The following LYPLA1 variants were observed in gnomAD, a reference collection of about 807,000 sequenced individuals.
The protein encoded by LYPLA1 is acyl-protein thioesterase 1.
LYPLA1 carries 17 observed loss-of-function variants against 34.0 expected under a neutral mutation model. The observed-to-expected ratio is 0.50, with a 90% CI of 0.34 to 0.75. LYPLA1 has a LOEUF of 0.75. Among genes scored for constraint, LYPLA1 ranks in the 30% least tolerant of loss-of-function variants. The probability of loss-of-function intolerance (pLI) is 0.01; values close to 1 mark genes in which losing one functional copy is unlikely to be tolerated. For synonymous variants in LYPLA1, 98 were observed against 100.8 expected, an observed-to-expected ratio of 0.97 and a Z score of 0.17; for missense variants, 203 against 288.8, an observed-to-expected ratio of 0.70 and a Z score of 2.15.
At chr8:54,092,074 CAAGGAG>C (rs1398190516) in intron 2 of LYPLA1, among the ~76,000 whole-genome samples, 1 of 149,650 alleles carries the variant, frequency 6.7e-6, no homozygotes, top group Non-Finnish European at 1.5e-5. Context: ...CCTGTCGAAG[CAAGGAG>C]GAGGAGGAGG....
intron 2 of LYPLA1, among the ~76,000 whole-genome samples, chr8:54,068,780 T>C (rs1056864247): frequency 1.3e-5 from 2 of 152,118 alleles, no homozygotes; most frequent in Non-Finnish European, 2.9e-5. Context: ...ATTTCTTAGA[T>C]ATAACATCAA....
At chr8:54,073,002 T>G in intron 2 of LYPLA1, 1 of 398,854 alleles carries the variant, frequency 2.5e-6, no homozygotes. Flanking sequence ...AGATCATTAA[T>G]GATTAGAGAA....
chr8:54,094,055 G>GT (rs1045946635), intron 2 of LYPLA1, among the ~76,000 whole-genome samples: 7 of 152,184 alleles, frequency 4.6e-5, no homozygotes, highest in African/African-American at 1.7e-4. Flanking sequence ...ACATATCCAT[G>GT]TTGCCAATTT....
At chr8:54,049,031 T>A (rs1805662624) in intron 8 of LYPLA1, among the ~76,000 whole-genome samples, 1 of 152,212 alleles carries the variant, frequency 6.6e-6, no homozygotes, top group African/African-American at 2.4e-5. Flanking sequence ...CTTGCACACA[T>A]TAAGGGTTCC....
intron 2 of LYPLA1, among the ~76,000 whole-genome samples, chr8:54,097,448 G>C (rs995533029): frequency 2.6e-5 from 4 of 152,274 alleles, no homozygotes; most frequent in Non-Finnish European, 5.9e-5. Context: ...AGACTAAAGA[G>C]ACGTGATAAC....
At chr8:54,093,522 T>C (rs927413103) in intron 2 of LYPLA1, among the ~76,000 whole-genome samples, 1 of 152,218 alleles carries the variant, frequency 6.6e-6, no homozygotes, top group African/African-American at 2.4e-5. Flanking sequence ...AGAGAATGTA[T>C]GTGGCCCTGT....
chr8:54,098,349 G>A (rs1809850082), intron 2 of LYPLA1, among the ~76,000 whole-genome samples: 1 of 152,130 alleles, frequency 6.6e-6, no homozygotes, highest in Non-Finnish European at 1.5e-5. Context: ...TGTCCTGGGT[G>A]AGACGGAATG....
chr8:54,094,701 G>A (rs1809549981), intron 2 of LYPLA1, among the ~76,000 whole-genome samples: 1 of 152,140 alleles, frequency 6.6e-6, no homozygotes, highest in African/African-American at 2.4e-5. Flanking sequence ...TTGGAAAAAT[G>A]GCTGAGTCCA....
chr8:54,091,616 GGAAGGAA>G (rs1003953819), intron 2 of LYPLA1, among the ~76,000 whole-genome samples: 1 of 136,152 alleles, frequency 7.3e-6, no homozygotes, highest in Non-Finnish European at 1.5e-5. Flanking sequence ...AAGGAAGGAA[GGAAGGAA>G]GGAGAAATAC....
intron 2 of LYPLA1, among the ~76,000 whole-genome samples, chr8:54,096,414 C>T (rs751956108): frequency 4.6e-5 from 7 of 152,048 alleles, no homozygotes; most frequent in Non-Finnish European, 1.0e-4. Context: ...ACCAGCTTGG[C>T]CAACATGGCA....
At chr8:54,049,904 T>C (rs573754891) in intron 8 of LYPLA1, among the ~76,000 whole-genome samples, 162 of 152,296 alleles carry the variant, frequency 1.1e-3, no homozygotes, top group African/African-American at 3.8e-3. Context: ...TATTGGGTAC[T>C]TTCTTCCTAA....
At chr8:54,050,984 G>T in intron 8 of LYPLA1, 28 bp downstream of exon 8, 1 of 1,551,370 alleles carries the variant, frequency 6.4e-7, no homozygotes, top group Non-Finnish European at 8.8e-7. Context: ...TACAAATATG[G>T]CGCTGATCAC....
intron 2 of LYPLA1, among the ~76,000 whole-genome samples, chr8:54,091,678 A>G (rs1809293615): frequency 6.6e-6 from 1 of 152,192 alleles, no homozygotes; most frequent in African/African-American, 2.4e-5. Flanking sequence ...CTTGGGTTCT[A>G]GTCCCCACTC....
chr8:54,050,866 T>C, intron 8 of LYPLA1, 146 bp downstream of exon 8: 1 of 739,044 alleles, frequency 1.4e-6, no homozygotes. Context: ...TTAAGTTGAA[T>C]ACACACTCAT....
At chr8:54,096,561 A>AC (rs368056378) in intron 2 of LYPLA1, among the ~76,000 whole-genome samples, 4 of 151,500 alleles carry the variant, frequency 2.6e-5, no homozygotes, top group Admixed American at 6.6e-5. Context: ...ACATGGTGAA[A>AC]CCCCCCCGTC....
intron 2 of LYPLA1, chr8:54,100,287 T>A (rs1298685043): frequency 6.6e-6 from 1 of 152,440 alleles, no homozygotes; most frequent in Non-Finnish European, 1.5e-5. Context: ...AGTTCAAAGC[T>A]GCAGTGAGCT....
chr8:54,089,522 G>A (rs1318518188), intron 2 of LYPLA1, among the ~76,000 whole-genome samples: 1 of 146,934 alleles, frequency 6.8e-6, no homozygotes, highest in Non-Finnish European at 1.5e-5. Context: ...GAACATATGT[G>A]ACAATACTAA....
At chr8:54,070,190 C>T (rs1483092687) in intron 2 of LYPLA1, among the ~76,000 whole-genome samples, 5 of 152,032 alleles carry the variant, frequency 3.3e-5, no homozygotes, top group Non-Finnish European at 7.3e-5. Context: ...TGGCTCATGC[C>T]TGTAAACCCA....
At chr8:54,056,571 T>C (rs1056923892) in intron 5 of LYPLA1, among the ~76,000 whole-genome samples, 8 of 151,988 alleles carry the variant, frequency 5.3e-5, no homozygotes, top group Admixed American at 5.2e-4. Context: ...AACCAGAATA[T>C]ATAAGGAGCT....
Sources: gnomAD v4.1 joint callset for allele counts (sites outside exome capture counted in the v4.1 genomes callset) on GRCh38, gnomAD v4.1.1 for gene constraint, MANE v1.5 for transcripts, NCBI Gene and HGNC (gene_info 2026-07-23, HGNC 2026-07-21) for gene names.